SLC35F4: variants seen among roughly 807,000 people sequenced by gnomAD.
SLC35F4 encodes the protein chromosome 14 open reading frame 36.
In SLC35F4, 24 loss-of-function variants were observed where a neutral mutation model predicts 44.2. That is an observed-to-expected ratio of 0.54 (90% CI 0.39 to 0.76). The LOEUF (loss-of-function observed/expected upper bound fraction) is 0.76. Ranked by LOEUF, SLC35F4 falls within the 30% of genes least tolerant of loss-of-function variation. The probability of loss-of-function intolerance (pLI) is 0.00; values close to 1 mark genes in which losing one functional copy is unlikely to be tolerated. For synonymous variants in SLC35F4, 238 were observed against 223.6 expected (o/e 1.06, Z -0.57); for missense variants, 562 against 586.1 (o/e 0.96, Z 0.42).
intron 1 of SLC35F4, among the ~76,000 whole-genome samples, chr14:57,902,506 T>C (rs557459220): frequency 6.7e-6 from 1 of 150,242 alleles, no homozygotes; most frequent in East Asian, 2.0e-4. Context: ...GAGGTTGTGG[T>C]GAGCCGAGAT....
At chr14:57,866,567 CTG>C (rs1445099851), upstream of SLC35F4, among the ~76,000 whole-genome samples, 1 of 152,152 alleles carries the variant, frequency 6.6e-6, no homozygotes, top group Non-Finnish European at 1.5e-5. Flanking sequence ...GACGCAAAGA[CTG>C]TAAGTGTTCA....
At chr14:57,849,767 C>T (rs1886391436) in intron 1 of SLC35F4, among the ~76,000 whole-genome samples, 1 of 152,182 alleles carries the variant, frequency 6.6e-6, no homozygotes, top group Admixed American at 6.5e-5. Flanking sequence ...ATTACAGCAT[C>T]AGCCATTACA....
chr14:57,576,953 G>T (rs2068831097), intron 4 of SLC35F4, among the ~76,000 whole-genome samples: 1 of 152,142 alleles, frequency 6.6e-6, no homozygotes, highest in Non-Finnish European at 1.5e-5. Flanking sequence ...CAACCCAGCT[G>T]TCTCCTCTCT....
At chr14:57,594,554 A>C (rs1050013727) in intron 1 of SLC35F4, among the ~76,000 whole-genome samples, 1 of 152,234 alleles carries the variant, frequency 6.6e-6, no homozygotes, top group African/African-American at 2.4e-5. Context: ...TCTTTTAGAT[A>C]AATCTATTCA....
At chr14:57,645,963 G>C (rs553233566) in intron 1 of SLC35F4, among the ~76,000 whole-genome samples, 95 of 152,264 alleles carry the variant, frequency 6.2e-4, no homozygotes, top group African/African-American at 2.1e-3. Flanking sequence ...TTGCATCCCA[G>C]GGATGAAGCC....
chr14:57,929,438 G>C (rs1381313061), intron 1 of SLC35F4, among the ~76,000 whole-genome samples: 2 of 152,002 alleles, frequency 1.3e-5, no homozygotes, highest in Admixed American at 6.6e-5. Flanking sequence ...CAGCACCTTA[G>C]AGCGGGAGAG....
At chr14:57,588,580 T>C (rs1371359902) in intron 3 of SLC35F4, among the ~76,000 whole-genome samples, 1 of 152,154 alleles carries the variant, frequency 6.6e-6, no homozygotes, top group Non-Finnish European at 1.5e-5. Flanking sequence ...GAACAACCAC[T>C]GGAACCATAA....
Position 57,694,966 on chromosome 14 carries a change from A to G in SLC35F4, c.104-100842T>C, listed in dbSNP as rs559782456. Among the ~76,000 whole-genome samples the G allele has an allele frequency of 2.6e-5, 4 of 152,278 alleles. No homozygotes were observed. The East Asian group carries it at 7.7e-4, about 29-fold the overall frequency. ...TATGTACAAAATAATATCATGTGTAAATAATGAGGATTATTTATACATCCC... is the reference window on the plus strand; with the variant it reads ...TATGTACAAAATAATATCATGTGTAGATAATGAGGATTATTTATACATCCC... On this transcript the variant is annotated intron_variant, in intron 1 of 7. Transcript: ENST00000556826.
At chr14:57,930,216 G>T (rs993028389) in intron 1 of SLC35F4, among the ~76,000 whole-genome samples, 1 of 152,174 alleles carries the variant, frequency 6.6e-6, no homozygotes, top group Non-Finnish European at 1.5e-5. Flanking sequence ...TTGCCTTCTT[G>T]TTCACAAGAG....
rs74833160 is a variant in SLC35F4, at chr14:57,690,438, A to G, written c.104-96314T>C. Among the ~76,000 whole-genome samples the G allele has an allele frequency of 2.1e-3, 313 of 152,106 alleles. 2 individuals carry two copies. The highest frequency in any genetic ancestry group is 7.2e-3 in the African/African-American group (300 of 41,480). ...AGTGGAGACAGCTTAGCAGATTTTG[A>G]GATTTTCATGTTTTTCTTGTCTTCT... On this transcript the variant is annotated intron_variant, in intron 1 of 7. Coordinates refer to ENST00000556826, the MANE Select transcript of SLC35F4 (RefSeq NM_001306087.2).
At chr14:57,900,979 T>C (rs771322374) in intron 1 of SLC35F4, among the ~76,000 whole-genome samples, 18 of 152,134 alleles carry the variant, frequency 1.2e-4, no homozygotes, top group Non-Finnish European at 1.5e-4. Context: ...TGACATACCA[T>C]CTCACGCCAG....
chr14:57,682,830 T>A (rs1160225193), intron 1 of SLC35F4, among the ~76,000 whole-genome samples: 3 of 152,116 alleles, frequency 2.0e-5, no homozygotes, highest in Non-Finnish European at 4.4e-5. Flanking sequence ...TGTCTCAATG[T>A]CCTCATTTAT....
intron 1 of SLC35F4, among the ~76,000 whole-genome samples, chr14:57,643,193 A>T (rs2073329479): frequency 6.6e-6 from 1 of 152,078 alleles, no homozygotes; most frequent in Non-Finnish European, 1.5e-5. Context: ...CACTTACTAG[A>T]GCACAGTAAT....
intron 1 of SLC35F4, among the ~76,000 whole-genome samples, chr14:57,835,606 A>AT (rs1884839248): frequency 1.3e-5 from 2 of 152,230 alleles, no homozygotes; most frequent in African/African-American, 4.8e-5. Context: ...CATTTCTGTC[A>AT]TGTAATTACT....
At chr14:57,843,479 T>G (rs941457361) in intron 1 of SLC35F4, among the ~76,000 whole-genome samples, 4 of 152,118 alleles carry the variant, frequency 2.6e-5, no homozygotes, top group African/African-American at 9.7e-5. Flanking sequence ...TCATTTCTAC[T>G]TGGCAAAGCA....
At chr14:57,665,952 G>T (rs1453575787) in intron 1 of SLC35F4, among the ~76,000 whole-genome samples, 1 of 152,120 alleles carries the variant, frequency 6.6e-6, no homozygotes, top group East Asian at 1.9e-4. Flanking sequence ...CACATAGAGG[G>T]GGAACAACAC....
At chr14:57,873,967 C>A (rs1888345058) in intron 1 of SLC35F4, among the ~76,000 whole-genome samples, 1 of 152,172 alleles carries the variant, frequency 6.6e-6, no homozygotes, top group African/African-American at 2.4e-5. Context: ...GGCTCCATGA[C>A]AACAAGCACA....
chr14:57,913,699 C>G (rs1257124831), intron 1 of SLC35F4, among the ~76,000 whole-genome samples: 2 of 152,072 alleles, frequency 1.3e-5, no homozygotes, highest in East Asian at 1.9e-4. Context: ...CTATTTTAAA[C>G]AAATTATCTG....
chr14:57,958,260 A>G (rs1197589891), intron 1 of SLC35F4, among the ~76,000 whole-genome samples: 1 of 151,974 alleles, frequency 6.6e-6, no homozygotes, highest in African/African-American at 2.4e-5. Context: ...GGGTTTCACC[A>G]TGTTAGCTGG....
Sources: allele counts gnomAD v4.1 joint callset (sites outside exome capture counted in the v4.1 genomes callset), GRCh38; gene constraint gnomAD v4.1.1; transcripts MANE v1.5; gene names NCBI Gene and HGNC (gene_info 2026-07-23, HGNC 2026-07-21).